AGBL4: variants seen among roughly 807,000 people sequenced by gnomAD.
AGBL4 encodes the protein AGBL carboxypeptidase 4.
AGBL4 carries 58 observed loss-of-function variants against 66.4 expected under a neutral mutation model. That is an observed-to-expected ratio of 0.87 (90% confidence interval 0.71 to 1.09). The LOEUF is 1.09. Among genes scored for constraint, AGBL4 ranks in the 50% least tolerant of loss-of-function variants. The pLI is 0.00. For synonymous variants in AGBL4, 234 were observed against 222.9 expected (o/e 1.05, Z -0.44); for missense variants, 579 against 631.0 (o/e 0.92, Z 0.88).
intron 3 of AGBL4, among the ~76,000 whole-genome samples, chr1:49,353,902 C>CA (rs907635460): frequency 3.3e-5 from 5 of 152,142 alleles, no homozygotes; most frequent in African/African-American, 1.2e-4. Flanking sequence ...TCCAGCTCCC[C>CA]AATCATCCTG....
chr1:49,837,601 C>T (rs1303452225), intron 2 of AGBL4, among the ~76,000 whole-genome samples: 1 of 152,184 alleles, frequency 6.6e-6, no homozygotes, highest in Non-Finnish European at 1.5e-5. Flanking sequence ...AATCCCAGCA[C>T]TTTGGGAGGC....
At chr1:49,425,855 T>G (rs1645646050) in intron 3 of AGBL4, among the ~76,000 whole-genome samples, 1 of 152,328 alleles carries the variant, frequency 6.6e-6, no homozygotes, top group East Asian at 1.9e-4. Flanking sequence ...CTTTGTCACA[T>G]GGAACTGGGC....
chr1:48,879,786 G>A (rs551693192), intron 5 of AGBL4, among the ~76,000 whole-genome samples: 24 of 152,192 alleles, frequency 1.6e-4, no homozygotes, highest in African/African-American at 3.6e-4. Context: ...TGCCCAAGTC[G>A]TACAGATAGT....
intron 3 of AGBL4, among the ~76,000 whole-genome samples, chr1:49,290,318 A>C (rs143463563): frequency 7.7e-4 from 118 of 152,262 alleles, no homozygotes; most frequent in African/African-American, 2.8e-3. Flanking sequence ...GTATTTCCTC[A>C]ATCTGAAACT....
At chr1:49,245,892 C>G (rs1402727763) in intron 3 of AGBL4, 28 bp from the exon 4 acceptor site, 1 of 1,476,202 alleles carries the variant, frequency 6.8e-7, no homozygotes. Flanking sequence ...AGAAGTTCAT[C>G]TTTATGCTAT....
intron 1 of AGBL4, chr1:49,994,391 T>C (rs1053242724): frequency 2.0e-5 from 3 of 146,892 alleles, no homozygotes; most frequent in African/African-American, 7.5e-5. Flanking sequence ...ATAGACAGAA[T>C]GAGGAAGCAG....
At chr1:49,118,362 A>G (rs1645576583) in intron 4 of AGBL4, among the ~76,000 whole-genome samples, 2 of 152,298 alleles carry the variant, frequency 1.3e-5, no homozygotes, top group South Asian at 4.1e-4. Context: ...TTTGTCATAA[A>G]TGGCTCTTAT....
intron 4 of AGBL4, among the ~76,000 whole-genome samples, chr1:49,086,613 G>C (rs1644911883): frequency 6.6e-6 from 1 of 151,944 alleles, no homozygotes; most frequent in African/African-American, 2.4e-5. Context: ...ACTTCTGCTT[G>C]AATTTGCCAA....
intron 5 of AGBL4, among the ~76,000 whole-genome samples, chr1:48,994,852 A>T (rs1399140920): frequency 1.3e-5 from 2 of 152,212 alleles, no homozygotes; most frequent in Non-Finnish European, 2.9e-5. Context: ...ATGCATAATT[A>T]GATCAGGTAC....
chr1:49,034,847 T>A (rs914300950), intron 5 of AGBL4, among the ~76,000 whole-genome samples: 1 of 152,136 alleles, frequency 6.6e-6, no homozygotes, highest in Non-Finnish European at 1.5e-5. Flanking sequence ...CCTTATAAAT[T>A]ACCCAGTCTT....
intron 4 of AGBL4, among the ~76,000 whole-genome samples, chr1:49,118,852 T>C (rs1308603865): frequency 6.6e-6 from 1 of 152,202 alleles, no homozygotes; most frequent in Admixed American, 6.5e-5. Flanking sequence ...TGGTAGGCTA[T>C]TAATTATTGC....
chr1:48,757,237 T>G (rs1282729787), intron 6 of AGBL4, among the ~76,000 whole-genome samples: 1 of 152,174 alleles, frequency 6.6e-6, no homozygotes, highest in Non-Finnish European at 1.5e-5. Context: ...AAAATGCAAA[T>G]TATTCACTTT....
intron 3 of AGBL4, among the ~76,000 whole-genome samples, chr1:49,419,158 A>G (rs1035242292): frequency 1.3e-5 from 2 of 152,194 alleles, no homozygotes; most frequent in African/African-American, 4.8e-5. Context: ...TTAGTATTAT[A>G]ATATTTTACA....
chr1:48,791,000 A>G (rs1184258439), intron 6 of AGBL4, among the ~76,000 whole-genome samples: 1 of 152,320 alleles, frequency 6.6e-6, no homozygotes, highest in African/African-American at 2.4e-5. Context: ...ACAGCAAGAA[A>G]GCCCTCACCA....
At chr1:49,858,787 C>T (rs561857965) in intron 1 of AGBL4, among the ~76,000 whole-genome samples, 10 of 152,144 alleles carry the variant, frequency 6.6e-5, no homozygotes, top group East Asian at 1.9e-4. Context: ...GAGGCTGAGG[C>T]GGCAGATCAC....
chr1:48,920,566 A>G (rs1653993304), intron 5 of AGBL4, among the ~76,000 whole-genome samples: 1 of 152,192 alleles, frequency 6.6e-6, no homozygotes, highest in South Asian at 2.1e-4. Context: ...TACATACATG[A>G]TCTTAAAAAC....
rs199663255 is a variant in AGBL4, at chr1:49,259,358, T to A, written c.283-13494A>T. Among the ~76,000 whole-genome samples, 141 of 152,226 alleles carry A rather than the reference T, an allele frequency of 9.3e-4. 2 individuals carry two copies. In the East Asian group the frequency reaches 0.025, roughly 27 times the overall value. On this transcript the variant is annotated intron_variant, in intron 3 of 13. Coordinates refer to ENST00000371839, the MANE Select transcript of AGBL4 (RefSeq NM_032785.4). ...AATGCTCCAATTAAAAGACACAGAC[T>A]GGCAAATTGGATAAAGAGTCAAGAC...
At chr1:49,809,110 G>A (rs1477082357) in intron 2 of AGBL4, among the ~76,000 whole-genome samples, 7 of 151,978 alleles carry the variant, frequency 4.6e-5, no homozygotes, top group East Asian at 1.9e-4. Context: ...TATTGCAATC[G>A]GTTTTCAACT....
chr1:49,921,705 C>G (rs1652271692), intron 1 of AGBL4, among the ~76,000 whole-genome samples: 1 of 152,194 alleles, frequency 6.6e-6, no homozygotes, highest in Non-Finnish European at 1.5e-5. Context: ...AAGCTGGAAT[C>G]TGATGTCCAA....
Sources: gnomAD v4.1 joint callset for allele counts (sites outside exome capture counted in the v4.1 genomes callset) on GRCh38, gnomAD v4.1.1 for gene constraint, MANE v1.5 for transcripts, NCBI Gene and HGNC (gene_info 2026-07-23, HGNC 2026-07-21) for gene names.